TAOK1: variants seen among roughly 807,000 people sequenced by gnomAD.
TAOK1 encodes the protein TAO kinase 1.
TAOK1 carries 21 observed loss-of-function variants against 138.3 expected under a neutral mutation model. That is an observed-to-expected ratio of 0.15 (90% CI 0.11 to 0.22). TAOK1 has a LOEUF of 0.22. Ranked by LOEUF, TAOK1 falls within the 10% of genes least tolerant of loss-of-function variation. The probability of loss-of-function intolerance (pLI) is 1.00; values close to 1 mark genes in which losing one functional copy is unlikely to be tolerated. For missense variants in TAOK1, 651 were observed against 1,227.7 expected, an observed-to-expected ratio of 0.53 and a Z score of 7.02; for synonymous variants, 361 against 398.4, an observed-to-expected ratio of 0.91 and a Z score of 1.12.
At chr17:29,474,668 G>A (rs1054722863) in intron 3 of TAOK1, among the ~76,000 whole-genome samples, 2 of 151,988 alleles carry the variant, frequency 1.3e-5, no homozygotes, top group African/African-American at 4.8e-5. Flanking sequence ...AATTACAATA[G>A]TAATGTAAAC....
At chr17:29,464,385 A>C (rs1483567303) in intron 2 of TAOK1, among the ~76,000 whole-genome samples, 2 of 151,118 alleles carry the variant, frequency 1.3e-5, no homozygotes. Context: ...CAGAGTTTGC[A>C]GTGAGCCAAG....
intron 1 of TAOK1, among the ~76,000 whole-genome samples, chr17:29,438,543 G>A (rs115606792): frequency 0.011 from 1,683 of 152,250 alleles, 32 homozygotes; most frequent in African/African-American, 0.038. Flanking sequence ...TCAGTTGGGC[G>A]TGGTGACACA....
intron 2 of TAOK1, among the ~76,000 whole-genome samples, chr17:29,464,668 A>G (rs2030613810): frequency 1.3e-5 from 2 of 152,036 alleles, no homozygotes; most frequent in Admixed American, 6.6e-5. Context: ...GGAAAAAGAA[A>G]TTCATATCTA....
At chr17:29,411,469 G>A (rs1173470069) in intron 1 of TAOK1, among the ~76,000 whole-genome samples, 1 of 151,468 alleles carries the variant, frequency 6.6e-6, no homozygotes, top group Non-Finnish European at 1.5e-5. Context: ...TCAGCTTACT[G>A]CAACCTCTGC....
At chr17:29,520,705 G>T (rs1001967973) in intron 16 of TAOK1, among the ~76,000 whole-genome samples, 5 of 145,062 alleles carry the variant, frequency 3.4e-5, no homozygotes, top group African/African-American at 1.3e-4. Context: ...GTGAGCCACC[G>T]TGCCCAGCCA....
rs34918500 is a variant in TAOK1, at chr17:29,427,925, C to CA, written c.-94-23512dup. Among the ~76,000 whole-genome samples the CA allele has an allele frequency of 8.7e-3, 995 of 114,888 alleles. 8 individuals are homozygous for CA. The highest frequency in any genetic ancestry group is 0.024 in the South Asian group (88 of 3,636). 75.4% of individuals were successfully genotyped at this position (114,888 alleles called of 152,430 possible). ...TGGGCAACAGCGTGAGACTCTGTCT[C>CA]AAAAAAAAAAAAAAAAAAGAAGAAT... On this transcript the variant is annotated intron_variant, in intron 1 of 19. Coordinates refer to ENST00000261716, the MANE Select transcript of TAOK1 (RefSeq NM_020791.4).
At chr17:29,411,383 G>T (rs1905140609) in intron 1 of TAOK1, among the ~76,000 whole-genome samples, 1 of 151,612 alleles carries the variant, frequency 6.6e-6, no homozygotes, top group South Asian at 2.1e-4. Flanking sequence ...GAGCCACCGC[G>T]CCCGGCCTTC....
rs1219172104 is a variant in TAOK1, at chr17:29,544,905, C to T, written c.*1883C>T. ...TGACCAAACAGTAATCAATCTATCA[C>T]TGTTGAAGTCCTGGTTTTCTCAACC... On this transcript the variant is annotated 3_prime_UTR_variant, in exon 20 of 20. Coordinates refer to ENST00000261716, the MANE Select transcript of TAOK1 (RefSeq NM_020791.4). 1.3e-5 allele frequency: 2 copies of T among 152,228 alleles called. No homozygotes were observed. The highest frequency in any genetic ancestry group is 6.5e-5 in the Admixed American group (1 of 15,278). The allele number at this position is 152,228 out of a possible 1,614,324, so 9.4% of individuals were successfully genotyped here.
chr17:29,500,225 G>A (rs2031499096), intron 12 of TAOK1, among the ~76,000 whole-genome samples: 2 of 151,996 alleles, frequency 1.3e-5, no homozygotes, highest in Non-Finnish European at 2.9e-5. Context: ...AAGGTGGTAG[G>A]TTCACTTGAA....
rs1598459789 is a variant in TAOK1 at position 29,390,992 on chromosome 17, T to G, written c.-127T>G. 1 of 152,406 alleles carries G rather than the reference T, an allele frequency of 6.6e-6. No homozygotes were observed. The highest frequency in any genetic ancestry group is 2.0e-4 in the East Asian group (1 of 5,102). The allele number at this position is 152,406 out of a possible 1,614,324, so 9.4% of individuals were successfully genotyped here. A position where few individuals can be genotyped will look rare whatever the true frequency, so the allele number is the denominator to read the frequency against. On this transcript the variant is annotated 5_prime_UTR_variant, in exon 1 of 20. Transcript: ENST00000261716. ...CCGGAGCGCTGCAGGGGGCTGCGCC[T>G]GCCTGCTCCGCCCCAGACCTGTCGG...
In TAOK1 at chr17:29,550,820, A is replaced by G. The variant is rs1418438341; in HGVS notation, c.*7798A>G. 1 of 152,574 alleles carries G rather than the reference A, an allele frequency of 6.6e-6. No individual in the cohort carries two copies. The highest frequency in any genetic ancestry group is 1.5e-5 in the Non-Finnish European group (1 of 68,024). 9.5% of individuals were successfully genotyped at this position (152,574 alleles called of 1,614,324 possible). A position where few individuals can be genotyped will look rare whatever the true frequency, so the allele number is the denominator to read the frequency against. On this transcript the variant is annotated 3_prime_UTR_variant, in exon 20 of 20. Transcript: ENST00000261716. The stretch of plus-strand genomic sequence containing the variant: ...TGCACATGTAGAAATTTTTTAAAAG[A>G]AAGAAATTAGTACATCATTTTCTCT...
chr17:29,525,050 A>G (rs1448537895), intron 17 of TAOK1, among the ~76,000 whole-genome samples: 1 of 152,102 alleles, frequency 6.6e-6, no homozygotes, highest in Non-Finnish European at 1.5e-5. Flanking sequence ...ATTTTTTCTC[A>G]TTAGGCAGGA....
intron 2 of TAOK1, among the ~76,000 whole-genome samples, chr17:29,463,347 A>T (rs1334755283): frequency 6.6e-6 from 1 of 152,176 alleles, no homozygotes; most frequent in East Asian, 1.9e-4. Flanking sequence ...AGGCGGGCAG[A>T]TCACCCAAGG....
chr17:29,517,470 G>T lies in TAOK1; in HGVS notation c.1722G>T (p.Gln574His), dbSNP rs549356621. Reference sequence around the variant, plus strand: ...GTTGCCAGGAGCTAAATGAAAACCAGAGTACCCCCAAAAAAGAAAAACAGG... The same window carrying T: ...GTTGCCAGGAGCTAAATGAAAACCATAGTACCCCCAAAAAAGAAAAACAGG... ...EQLKEELNEN[Q>H]STPKKEKQEW... Residue 574 changes from glutamine to histidine, a missense_variant, in exon 16 of 20, where the codon CAG becomes CAT. Transcript: ENST00000261716. The T allele has an allele frequency of 1.9e-6, 3 of 1,613,734 alleles. No individual in the cohort carries two copies. Among genetic ancestry groups the T allele is most frequent in the South Asian group, 1.1e-5 (1 of 91,056 alleles).
chr17:29,492,116 C>T (rs1179387121), intron 10 of TAOK1, among the ~76,000 whole-genome samples: 1 of 152,078 alleles, frequency 6.6e-6, no homozygotes, highest in African/African-American at 2.4e-5. Flanking sequence ...AACTCCTGGG[C>T]TCAAGTGATC....
At chr17:29,415,469 A>G (rs912710751) in intron 1 of TAOK1, among the ~76,000 whole-genome samples, 2 of 152,184 alleles carry the variant, frequency 1.3e-5, no homozygotes, top group African/African-American at 4.8e-5. Context: ...CCAAAAATAT[A>G]TGAAGGTTCC....
chr17:29,414,424 A>G (rs1481889541), intron 1 of TAOK1, among the ~76,000 whole-genome samples: 1 of 148,214 alleles, frequency 6.7e-6, no homozygotes, highest in Non-Finnish European at 1.5e-5. Context: ...TAATTTTTGT[A>G]TTTTTAGTAG....
At chr17:29,444,370 T>C (rs1209194944) in intron 1 of TAOK1, among the ~76,000 whole-genome samples, 1 of 152,224 alleles carries the variant, frequency 6.6e-6, no homozygotes, top group Non-Finnish European at 1.5e-5. Context: ...ACCAGGATGG[T>C]GCTAATTTTT....
rs2032426180 is a variant in TAOK1, at chr17:29,547,857, A to T, written c.*4835A>T. ...TCCTCAGATCCCTTAAAGGATGAAGAGTTGGCTGTACACTTAGCGGACTTG... is the reference window on the plus strand; with the variant it reads ...TCCTCAGATCCCTTAAAGGATGAAGTGTTGGCTGTACACTTAGCGGACTTG... On this transcript the variant is annotated 3_prime_UTR_variant, in exon 20 of 20. Transcript: ENST00000261716. 1 of 152,168 alleles carries T rather than the reference A, an allele frequency of 6.6e-6. No homozygotes were observed. Among genetic ancestry groups the T allele is most frequent in the African/African-American group, 2.4e-5 (1 of 41,460 alleles). 9.4% of individuals were successfully genotyped at this position (152,168 alleles called of 1,614,324 possible).
Sources: gnomAD v4.1 joint callset for allele counts (sites outside exome capture counted in the v4.1 genomes callset) on GRCh38, gnomAD v4.1.1 for gene constraint, MANE v1.5 for transcripts, NCBI Gene and HGNC (gene_info 2026-07-23, HGNC 2026-07-21) for gene names.